The following GRID1 variants were observed in gnomAD, a reference collection of about 807,000 sequenced individuals.
GRID1 encodes the protein glutamate ionotropic receptor delta type subunit 1.
In GRID1, 28 loss-of-function variants were observed where a neutral mutation model predicts 98.0. The ratio of observed to expected loss-of-function variants is 0.29; its 90% CI spans 0.21 to 0.39. GRID1 has a LOEUF of 0.39. Among genes scored for constraint, GRID1 ranks in the 10% least tolerant of loss-of-function variants. GRID1 has a pLI of 1.00. For missense variants in GRID1, 1,111 were observed against 1,340.5 expected (o/e 0.83, Z 2.67); for synonymous variants, 553 against 538.5 (o/e 1.03, Z -0.37).
At chr10:86,047,420 C>G (rs1420867730) in intron 4 of GRID1, among the ~76,000 whole-genome samples, 2 of 152,206 alleles carry the variant, frequency 1.3e-5, no homozygotes, top group African/African-American at 2.4e-5. Flanking sequence ...AGAGGCAGCC[C>G]TGAGAAATGA....
At chr10:86,072,134 C>T (rs1037930569) in intron 4 of GRID1, among the ~76,000 whole-genome samples, 1 of 151,956 alleles carries the variant, frequency 6.6e-6, no homozygotes, top group Non-Finnish European at 1.5e-5. Context: ...ATTCTGGGGT[C>T]GTCAGGAAGT....
chr10:86,318,174 C>T (rs1247067753), intron 2 of GRID1, among the ~76,000 whole-genome samples: 1 of 152,236 alleles, frequency 6.6e-6, no homozygotes, highest in Admixed American at 6.5e-5. Flanking sequence ...AAGGCCCCCT[C>T]CAGGCAGGCA....
chr10:85,713,252 G>C (rs557844234), intron 12 of GRID1, among the ~76,000 whole-genome samples: 2 of 151,520 alleles, frequency 1.3e-5, no homozygotes, highest in African/African-American at 2.4e-5. Context: ...AATAGAAAGG[G>C]TCATAAGAGA....
intron 8 of GRID1, among the ~76,000 whole-genome samples, chr10:85,776,610 A>T (rs1842333892): frequency 6.6e-6 from 1 of 152,158 alleles, no homozygotes. Flanking sequence ...CTTGGAAGCC[A>T]CACCTTAGAA....
At chr10:85,975,602 C>G (rs11201859) in intron 4 of GRID1, among the ~76,000 whole-genome samples, 3,562 of 152,248 alleles carry the variant, frequency 0.023, 116 homozygotes, top group East Asian at 0.13. Context: ...GGCCTCCCTG[C>G]GGAAAATGAG....
Position 86,256,285 on chromosome 10 carries a change from T to G in GRID1, c.236-49637A>C, listed in dbSNP as rs533713135. On this transcript the variant is annotated intron_variant, in intron 2 of 15. Transcript: ENST00000327946. ...CAAGGAACAGCCCAGTTGGCTCCCA[T>G]GGGCACTGAATTTGCTAAGATGATA... 2.0e-5 allele frequency among the ~76,000 whole-genome samples: 3 copies of G among 152,268 alleles called. 1 individual carries two copies. The South Asian group carries it at 6.2e-4, about 32-fold the overall frequency.
chr10:86,019,593 T>A (rs1843023196), intron 4 of GRID1, among the ~76,000 whole-genome samples: 1 of 152,274 alleles, frequency 6.6e-6, no homozygotes, highest in South Asian at 2.1e-4. Flanking sequence ...CTTTGCAGAT[T>A]GTCCATTTAA....
At chr10:86,270,621 C>G (rs1480983849) in intron 2 of GRID1, among the ~76,000 whole-genome samples, 2 of 152,122 alleles carry the variant, frequency 1.3e-5, no homozygotes, top group Non-Finnish European at 2.9e-5. Context: ...ACCCAGGAGG[C>G]AGAGGTTGCA....
intron 2 of GRID1, chr10:86,264,605 G>A (rs1250530652): frequency 2.2e-6 from 1 of 456,722 alleles, no homozygotes; most frequent in African/African-American, 2.0e-5. Context: ...GGAGGGCCTG[G>A]CCTGATGCCC....
intron 4 of GRID1, among the ~76,000 whole-genome samples, chr10:86,047,683 G>A (rs1394668893): frequency 3.3e-5 from 5 of 152,088 alleles, no homozygotes; most frequent in Admixed American, 1.3e-4. Flanking sequence ...GGTTAATCTC[G>A]GAGGAGCCAC....
chr10:86,320,706 C>T (rs1447894129), intron 2 of GRID1, among the ~76,000 whole-genome samples: 1 of 152,162 alleles, frequency 6.6e-6, no homozygotes, highest in African/African-American at 2.4e-5. Flanking sequence ...CAAACACACA[C>T]ACATCCTTAG....
At chr10:86,145,681 T>C (rs2131976832) in intron 3 of GRID1, among the ~76,000 whole-genome samples, 1 of 152,254 alleles carries the variant, frequency 6.6e-6, no homozygotes, top group African/African-American at 2.4e-5. Context: ...CAAGTTGAAA[T>C]TCATGCCCCC....
chr10:85,898,788 A>G (rs1841333718), intron 5 of GRID1, among the ~76,000 whole-genome samples: 1 of 152,188 alleles, frequency 6.6e-6, no homozygotes, highest in Admixed American at 6.6e-5. Flanking sequence ...GATCTGCCTC[A>G]GGCTGTTTTA....
intron 4 of GRID1, among the ~76,000 whole-genome samples, chr10:85,960,426 T>C (rs972831326): frequency 3.3e-5 from 5 of 152,226 alleles, no homozygotes; most frequent in African/African-American, 9.6e-5. Context: ...GATCATATCA[T>C]AGTACAGCAG....
intron 8 of GRID1, among the ~76,000 whole-genome samples, chr10:85,845,584 G>A (rs1842997792): frequency 6.6e-6 from 1 of 152,090 alleles, no homozygotes; most frequent in Non-Finnish European, 1.5e-5. Flanking sequence ...AAAGAGTCAA[G>A]AATCACCAAG....
chr10:85,967,039 C>T (rs1357503251), intron 4 of GRID1, among the ~76,000 whole-genome samples: 1 of 152,144 alleles, frequency 6.6e-6, no homozygotes, highest in African/African-American at 2.4e-5. Context: ...GAATAAGTCT[C>T]ACAAGATCTG....
At chr10:86,265,223 C>A (rs1847086177) in intron 2 of GRID1, among the ~76,000 whole-genome samples, 1 of 152,104 alleles carries the variant, frequency 6.6e-6, no homozygotes, top group Non-Finnish European at 1.5e-5. Flanking sequence ...TCCTCGTTCA[C>A]CTCCCACTCC....
Position 85,831,178 on chromosome 10 carries a change from G to A in GRID1, c.1233+23318C>T, listed in dbSNP as rs116488795. ...TTGCAGAAAATTAGATGGAGATGGA[G>A]GCCATTTTCCTAAGCAAACTAACAC... On this transcript the variant is annotated intron_variant, in intron 8 of 15. Transcript: ENST00000327946. 2.1e-3 allele frequency among the ~76,000 whole-genome samples: 325 copies of A among 152,078 alleles called. 3 individuals carry two copies. Among genetic ancestry groups the A allele is most frequent in the African/African-American group, 7.5e-3 (311 of 41,476 alleles).
intron 4 of GRID1, among the ~76,000 whole-genome samples, chr10:85,972,549 T>C (rs1055870786): frequency 6.6e-6 from 1 of 151,204 alleles, no homozygotes; most frequent in African/African-American, 2.4e-5. Flanking sequence ...ATTTCAATAC[T>C]CATGATCATA....
Sources: allele counts gnomAD v4.1 joint callset (sites outside exome capture counted in the v4.1 genomes callset), GRCh38; gene constraint gnomAD v4.1.1; transcripts MANE v1.5; gene names NCBI Gene and HGNC (gene_info 2026-07-23, HGNC 2026-07-21).